NPNT: variants seen among roughly 807,000 people sequenced by gnomAD.
NPNT encodes preosteoblast EGF-like repeat protein with MAM domain.
NPNT carries 45 observed loss-of-function variants against 68.6 expected under a neutral mutation model. The ratio of observed to expected loss-of-function variants is 0.66; its 90% CI spans 0.52 to 0.84. NPNT has a LOEUF of 0.84. NPNT is among the 40% of genes least tolerant of loss of function. The pLI is 0.00. For synonymous variants in NPNT, 233 were observed against 253.3 expected (o/e 0.92, Z 0.76); for missense variants, 672 against 714.8 (o/e 0.94, Z 0.68).
chr4:105,959,164 T>G, intron 10 of NPNT, 38 bp downstream of exon 10: 2 of 1,245,170 alleles, frequency 1.6e-6, no homozygotes, highest in Non-Finnish European at 2.4e-6. Context: ...GGTACACATT[T>G]CAATGTGATA....
chr4:105,932,767 AC>A, intron 3 of NPNT: 3 of 1,119,542 alleles, frequency 2.7e-6, no homozygotes, highest in Non-Finnish European at 3.9e-6. Context: ...CAGTTATGTC[AC>A]TTCTTGCAAA....
chr4:105,910,737 G>A (rs1354983203), intron 2 of NPNT, among the ~76,000 whole-genome samples: 3 of 152,060 alleles, frequency 2.0e-5, no homozygotes, highest in South Asian at 2.1e-4. Context: ...TTGAAGTCGG[G>A]TATATATTGA....
intron 1 of NPNT, among the ~76,000 whole-genome samples, chr4:105,896,581 G>C (rs1725870364): frequency 6.6e-6 from 1 of 152,182 alleles, no homozygotes; most frequent in Non-Finnish European, 1.5e-5. Context: ...TTACTCTGGC[G>C]CACACCGTCG....
At chr4:105,964,359 C>G (rs762090379) in intron 10 of NPNT, among the ~76,000 whole-genome samples, 24 of 152,132 alleles carry the variant, frequency 1.6e-4, no homozygotes, top group East Asian at 9.6e-4. Flanking sequence ...GTGAATAACC[C>G]TATACATTCA....
intron 8 of NPNT, among the ~76,000 whole-genome samples, chr4:105,954,303 G>C (rs968243888): frequency 6.6e-6 from 1 of 152,190 alleles, no homozygotes; most frequent in Non-Finnish European, 1.5e-5. Flanking sequence ...GCAGAAGGCT[G>C]TAAGAAGCAA....
At chr4:105,959,515 TTTC>T (rs1488525711) in intron 10 of NPNT, among the ~76,000 whole-genome samples, 1 of 149,450 alleles carries the variant, frequency 6.7e-6, no homozygotes, top group Non-Finnish European at 1.5e-5. Context: ...TTTCTTTGTT[TTTC>T]TTTTCTTTTT....
chr4:105,924,761 G>A (rs1048522629), intron 2 of NPNT, among the ~76,000 whole-genome samples: 5 of 151,642 alleles, frequency 3.3e-5, no homozygotes, highest in African/African-American at 1.2e-4. Flanking sequence ...CTACAGCCTG[G>A]GGGCCTCAAG....
chr4:105,959,919 C>T (rs1235878834), intron 10 of NPNT, among the ~76,000 whole-genome samples: 1 of 151,030 alleles, frequency 6.6e-6, no homozygotes, highest in African/African-American at 2.4e-5. Context: ...AATGAATTCT[C>T]CTGCCTCAGC....
Position 105,897,887 on chromosome 4 carries a change from T to C in NPNT, c.72-14T>C, listed in dbSNP as rs1011717214. The C allele has an allele frequency of 4.1e-6, 6 of 1,481,024 alleles. No homozygotes were observed. The highest frequency in any genetic ancestry group is 5.6e-6 in the Non-Finnish European group (6 of 1,068,886). 91.7% of individuals were successfully genotyped at this position (1,481,024 alleles called of 1,614,324 possible). On this transcript the variant is annotated splice_polypyrimidine_tract_variant and intron_variant, in intron 1 of 11. Transcript: ENST00000379987. Reference sequence around the variant, plus strand: ...AAAGTGTCCTTATTTATTTTGAATCTTTTTTTTTGGTAGGTGGCCCAGGCA... The same window carrying C: ...AAAGTGTCCTTATTTATTTTGAATCCTTTTTTTTGGTAGGTGGCCCAGGCA...
Position 105,895,633 on chromosome 4 carries a change from C to T in NPNT, c.-20C>T, listed in dbSNP as rs2149304086. On this transcript the variant is annotated 5_prime_UTR_variant, in exon 1 of 12. Coordinates refer to ENST00000379987, the MANE Select transcript of NPNT (RefSeq NM_001033047.3). Reference sequence around the variant, plus strand: ...TTCCTCGCGCGCCACTGCGCTGCGCCCCAGGACCCGCTGCCCAACATGGAT... The same window carrying T: ...TTCCTCGCGCGCCACTGCGCTGCGCTCCAGGACCCGCTGCCCAACATGGAT... The T allele has an allele frequency of 6.5e-7, 1 of 1,548,166 alleles. No individual in the cohort carries two copies. Among genetic ancestry groups the T allele is most frequent in the Non-Finnish European group, 8.7e-7 (1 of 1,145,826 alleles).
rs1732502230 is a variant in NPNT, at chr4:105,970,674, C to G, written c.*1684C>G. On this transcript the variant is annotated 3_prime_UTR_variant, in exon 12 of 12. Transcript: ENST00000379987. ...AGTGTGAAAATCTCAGTATCTCTCT[C>G]TCTTTCTAAAAAATTAGATAAAAAT... The G allele has an allele frequency of 1.9e-6, 1 of 536,746 alleles. No homozygotes were observed. The highest frequency in any genetic ancestry group is 3.4e-6 in the Non-Finnish European group (1 of 291,780). The allele number at this position is 536,746 out of a possible 1,614,324, so 33.2% of individuals were successfully genotyped here.
chr4:105,963,829 G>A (rs972098401), intron 10 of NPNT, among the ~76,000 whole-genome samples: 3 of 151,502 alleles, frequency 2.0e-5, no homozygotes, highest in Non-Finnish European at 2.9e-5. Flanking sequence ...ACACATAAAT[G>A]TAAAATAAAT....
chr4:105,906,082 G>A lies in NPNT; in HGVS notation c.172+8081G>A, dbSNP rs140982238. On this transcript the variant is annotated intron_variant, in intron 2 of 11. Transcript: ENST00000379987. ...AGGGGCTACATGGAGGAAAATGGGG[G>A]TAAAATAAAAATATTAGGAGGAGGG... Among the ~76,000 whole-genome samples the A allele has an allele frequency of 4.5e-3, 692 of 152,256 alleles. 2 individuals are homozygous for A. Among genetic ancestry groups the A allele is most frequent in the Non-Finnish European group, 8.0e-3 (547 of 68,004 alleles).
At chr4:105,957,372 G>T (rs1731317274) in intron 8 of NPNT, among the ~76,000 whole-genome samples, 1 of 152,028 alleles carries the variant, frequency 6.6e-6, no homozygotes, top group Non-Finnish European at 1.5e-5. Flanking sequence ...ACAGTGGTCG[G>T]CATCTGCTTG....
intron 8 of NPNT, among the ~76,000 whole-genome samples, chr4:105,954,430 C>G (rs944213160): frequency 1.3e-5 from 2 of 152,088 alleles, no homozygotes; most frequent in African/African-American, 4.8e-5. Context: ...TCATAATTCC[C>G]CTATGACACC....
chr4:105,950,923 G>C (rs1036648322), intron 8 of NPNT, among the ~76,000 whole-genome samples: 5 of 152,180 alleles, frequency 3.3e-5, no homozygotes, highest in Non-Finnish European at 7.4e-5. Flanking sequence ...GTGCCTGGCT[G>C]TTCTCAGTCT....
At chr4:105,929,445 A>G (rs1247995483) in intron 3 of NPNT, 2 of 152,190 alleles carry the variant, frequency 1.3e-5, no homozygotes, top group Non-Finnish European at 1.5e-5. Flanking sequence ...TTTTCTCTCT[A>G]ATACTCTTTT....
Position 105,959,109 on chromosome 4 carries a change from C to T in NPNT, c.1328C>T (p.Pro443Leu). The T allele has an allele frequency of 1.9e-6, 3 of 1,611,284 alleles. No individual in the cohort carries two copies. The highest frequency in any genetic ancestry group is 2.2e-5 in the East Asian group (1 of 44,808). The stretch of plus-strand genomic sequence containing the variant: ...AAAGACAATGACTTGCACTGGGAAC[C>T]AATCAGGGACCCAGCAGGTAAAACC... Reference protein sequence around the residue: ...REKDNDLHWEPIRDPAGGQYL... With the variant: ...REKDNDLHWELIRDPAGGQYL... Residue 443 changes from proline (P) to leucine (L), a missense_variant, in exon 10 of 12, where the codon CCA becomes CTA. Pro to Leu is a moderately conservative substitution (Grantham distance 98, BLOSUM62 -3). Transcript: ENST00000379987.
Position 105,939,468 on chromosome 4 carries a change from C to A in NPNT, c.506-607C>A, listed in dbSNP as rs572870626. ...AGGTGAGGGTGATTTGTTGCAGGGC[C>A]TTCAAGGACACAGGGGAGGAATGTG... On this transcript the variant is annotated intron_variant, in intron 5 of 11. Transcript: ENST00000379987. 2.0e-5 allele frequency among the ~76,000 whole-genome samples: 3 copies of A among 152,176 alleles called. No homozygotes were observed. In the South Asian group the frequency reaches 6.2e-4, roughly 32 times the overall value.
Sources: gnomAD v4.1 joint callset for allele counts (sites outside exome capture counted in the v4.1 genomes callset) on GRCh38, gnomAD v4.1.1 for gene constraint, MANE v1.5 for transcripts, NCBI Gene and HGNC (gene_info 2026-07-23, HGNC 2026-07-21) for gene names.